The following BCL7B variants were observed in gnomAD, a reference collection of about 807,000 sequenced individuals.
BCL7B encodes B-cell CLL/lymphoma 7 protein family member B.
BCL7B carries 11 observed loss-of-function variants against 26.5 expected under a neutral mutation model. The ratio of observed to expected loss-of-function variants is 0.42; its 90% CI spans 0.26 to 0.69. The LOEUF is 0.69. BCL7B is among the 30% of genes least tolerant of loss of function. BCL7B has a pLI of 0.28. For synonymous variants in BCL7B, 111 were observed against 107.9 expected (o/e 1.03, Z -0.18); for missense variants, 215 against 264.4 (o/e 0.81, Z 1.30).
chr7:73,556,383 C>T (rs1792360899), intron 1 of BCL7B, among the ~76,000 whole-genome samples: 1 of 152,056 alleles, frequency 6.6e-6, no homozygotes, highest in Non-Finnish European at 1.5e-5. Context: ...ACTATGTTGC[C>T]CAGGCTGGTC....
intron 1 of BCL7B, chr7:73,557,076 C>T (rs1792387278): frequency 1.1e-5 from 11 of 989,134 alleles, no homozygotes; most frequent in Non-Finnish European, 1.3e-5. Context: ...AGCGCTCAGC[C>T]TGGCGGGCTG....
chr7:73,557,253 C>T (rs914046041), intron 1 of BCL7B: 1 of 1,110,770 alleles, frequency 9.0e-7, no homozygotes, highest in East Asian at 4.9e-5. Context: ...CCAGGCGGCG[C>T]GCGGCAGCAG....
chr7:73,542,815 G>A (rs1372626224), intron 3 of BCL7B: 3 of 423,064 alleles, frequency 7.1e-6, no homozygotes, highest in African/African-American at 2.1e-5. Flanking sequence ...CAGGTGCAGT[G>A]GCTCATGCTT....
intron 2 of BCL7B, among the ~76,000 whole-genome samples, chr7:73,549,509 T>C (rs1446670375): frequency 6.6e-6 from 1 of 151,898 alleles, no homozygotes; most frequent in African/African-American, 2.4e-5. Context: ...CCCCCCACCA[T>C]CTCTAAAAAA....
intron 1 of BCL7B, among the ~76,000 whole-genome samples, chr7:73,554,955 T>A (rs1411983666): frequency 1.3e-5 from 2 of 152,160 alleles, no homozygotes; most frequent in Non-Finnish European, 2.9e-5. Context: ...CAACAGGCTG[T>A]GCTAGGCCCT....
At chr7:73,552,481 C>CT (rs199938115) in intron 1 of BCL7B, among the ~76,000 whole-genome samples, 1,866 of 151,134 alleles carry the variant, frequency 0.012, 37 homozygotes, top group African/African-American at 0.043. Context: ...GACCTCATCT[C>CT]TAAAAAAAAA....
intron 1 of BCL7B, among the ~76,000 whole-genome samples, chr7:73,554,136 T>C (rs752927715): frequency 3.2e-4 from 49 of 151,864 alleles, no homozygotes; most frequent in Non-Finnish European, 7.1e-4. Flanking sequence ...TAATTTTTTG[T>C]ATTTTTAGTA....
chr7:73,557,397 C>T, intron 1 of BCL7B, 90 bp downstream of exon 1: 1 of 1,174,192 alleles, frequency 8.5e-7, no homozygotes, highest in Non-Finnish European at 1.1e-6. Context: ...CCAGCGCCGG[C>T]CGGTCGGCTC....
rs1196848561 is a variant in BCL7B at position 73,552,032 on chromosome 7, G to T, written c.168+135C>A. 10 of 636,122 alleles carry T rather than the reference G, an allele frequency of 1.6e-5. No individual in the cohort carries two copies. In the Admixed American group the frequency reaches 2.6e-4, roughly 17 times the overall value. The allele number at this position is 636,122 out of a possible 1,614,324, so 39.4% of individuals were successfully genotyped here. On this transcript the variant is annotated intron_variant, in intron 2 of 5. Coordinates refer to ENST00000223368, the MANE Select transcript of BCL7B (RefSeq NM_001707.4). ...TGCTTGAACCCAGGAGGTGGAGGTTGCAGTGAGCCAAGATCATGCCACTGC... is the reference window on the plus strand; with the variant it reads ...TGCTTGAACCCAGGAGGTGGAGGTTTCAGTGAGCCAAGATCATGCCACTGC...
intron 3 of BCL7B, chr7:73,542,944 T>TA: frequency 9.5e-5 from 38 of 400,682 alleles, no homozygotes; most frequent in Admixed American, 1.8e-4. Context: ...AAGTACAATC[T>TA]AAAAAAAAGC....
In BCL7B at chr7:73,557,591, A is replaced by G. The variant is rs1792425601; in HGVS notation, c.-13T>C. The G allele has an allele frequency of 1.6e-6, 2 of 1,288,498 alleles. No individual in the cohort carries two copies. The highest frequency in any genetic ancestry group is 4.4e-5 in the South Asian group (2 of 45,162). The allele number at this position is 1,288,498 out of a possible 1,614,324, so 79.8% of individuals were successfully genotyped here. Reference sequence around the variant, plus strand: ...ACCGGCCCGACATGGCGGCGGCGGGAGCGGCGGGGGCCGGGGCACTGCTCC... The same window carrying G: ...ACCGGCCCGACATGGCGGCGGCGGGGGCGGCGGGGGCCGGGGCACTGCTCC... On this transcript the variant is annotated 5_prime_UTR_variant, in exon 1 of 6. Coordinates refer to ENST00000223368, the MANE Select transcript of BCL7B (RefSeq NM_001707.4).
intron 2 of BCL7B, 50 bp from the exon 3 acceptor site, chr7:73,543,694 C>G (rs1563425862): frequency 3.4e-6 from 5 of 1,474,234 alleles, no homozygotes; most frequent in African/African-American, 1.4e-5. Context: ...AGGAGACTCA[C>G]AGAGAGGGAG....
At chr7:73,556,046 G>A (rs1408233270) in intron 1 of BCL7B, among the ~76,000 whole-genome samples, 2 of 152,196 alleles carry the variant, frequency 1.3e-5, no homozygotes, top group African/African-American at 2.4e-5. Flanking sequence ...TAGCCTGCTA[G>A]GGGCGGGGGG....
In BCL7B at chr7:73,551,792, T is replaced by A. The variant is rs576597042; in HGVS notation, c.168+375A>T. Among the ~76,000 whole-genome samples the A allele has an allele frequency of 2.8e-4, 43 of 152,100 alleles. No homozygotes were observed. In the South Asian group the frequency reaches 8.1e-3, roughly 29 times the overall value. On this transcript the variant is annotated intron_variant, in intron 2 of 5. Transcript: ENST00000223368. ...TCCACTCAATTCTGGGCAAATAAATTCCTTTAATTAAAAGGCAATTAGGCC... is the reference window on the plus strand; with the variant it reads ...TCCACTCAATTCTGGGCAAATAAATACCTTTAATTAAAAGGCAATTAGGCC...
At chr7:73,550,692 C>G (rs1425792140) in intron 2 of BCL7B, among the ~76,000 whole-genome samples, 4 of 150,282 alleles carry the variant, frequency 2.7e-5, no homozygotes, top group South Asian at 2.1e-4. Flanking sequence ...GAGTCTCACT[C>G]TGTCGCCCAG....
intron 2 of BCL7B, among the ~76,000 whole-genome samples, chr7:73,549,460 G>T (rs984825674): frequency 6.6e-6 from 1 of 152,058 alleles, no homozygotes; most frequent in Non-Finnish European, 1.5e-5. Context: ...AAGATCCCTT[G>T]AGCCCAAAAG....
chr7:73,557,630 ATCGCGCGCC>A lies in BCL7B; in HGVS notation c.-61_-53del. The A allele has an allele frequency of 1.8e-6, 2 of 1,099,624 alleles. No homozygotes were observed. Among genetic ancestry groups the A allele is most frequent in the Non-Finnish European group, 2.3e-6 (2 of 882,006 alleles). 68.1% of individuals were successfully genotyped at this position (1,099,624 alleles called of 1,614,324 possible). A position where few individuals can be genotyped will look rare whatever the true frequency, so the allele number is the denominator to read the frequency against. On this transcript the variant is annotated 5_prime_UTR_variant, in exon 1 of 6. Coordinates refer to ENST00000223368, the MANE Select transcript of BCL7B (RefSeq NM_001707.4). ...GGGCACTGCTCCCAAGACACCGGGGATCGCGCGCCTCACGCGCCGCCGCCCGCCCGCCGC... is the reference window on the plus strand; with the variant it reads ...GGGCACTGCTCCCAAGACACCGGGGATCACGCGCCGCCGCCCGCCCGCCGC...
chr7:73,554,643 C>T (rs1563433795), intron 1 of BCL7B, among the ~76,000 whole-genome samples: 2 of 151,712 alleles, frequency 1.3e-5, no homozygotes, highest in Non-Finnish European at 2.9e-5. Flanking sequence ...ACTAAAAATA[C>T]AAAAATTAGC....
At chr7:73,546,131 CAAAAAAAAA>C (rs1327019672) in intron 2 of BCL7B, among the ~76,000 whole-genome samples, 1 of 73,908 alleles carries the variant, frequency 1.4e-5, no homozygotes, top group African/African-American at 5.7e-5. Flanking sequence ...GACTCCATCT[CAAAAAAAAA>C]AAAAAAAAAG....
Sources: allele counts gnomAD v4.1 joint callset (sites outside exome capture counted in the v4.1 genomes callset), GRCh38; gene constraint gnomAD v4.1.1; transcripts MANE v1.5; gene names NCBI Gene and HGNC (gene_info 2026-07-23, HGNC 2026-07-21).